NPLOC4: variants seen among roughly 807,000 people sequenced by gnomAD.
The protein encoded by NPLOC4 is NPL4 homolog, ubiquitin recognition factor.
A neutral mutation model predicts 80.6 loss-of-function variants in NPLOC4; 18 were observed. That is an observed-to-expected ratio of 0.22 (90% CI 0.15 to 0.33). NPLOC4 has a LOEUF of 0.33. Ranked by LOEUF, NPLOC4 falls within the 10% of genes least tolerant of loss-of-function variation. The pLI is 1.00. For synonymous variants in NPLOC4, 313 were observed against 301.5 expected (o/e 1.04, Z -0.39); for missense variants, 540 against 786.1 (o/e 0.69, Z 3.74).
In NPLOC4 at chr17:81,617,595, G is replaced by A. The variant is rs1232350927; in HGVS notation, c.210-4101C>T. Among the ~76,000 whole-genome samples, 4 of 152,112 alleles carry A rather than the reference G, an allele frequency of 2.6e-5. No homozygotes were observed. In the South Asian group the frequency reaches 8.3e-4, roughly 32 times the overall value. ...GAGGCTGAAGCAGGTGGATCACAAG[G>A]TCGGGAGATCGAGACCATCCTGGCT... is the stretch of plus-strand genomic sequence containing the variant. On this transcript the variant is annotated intron_variant, in intron 3 of 16. Coordinates refer to ENST00000331134, the MANE Select transcript of NPLOC4 (RefSeq NM_017921.4).
At chr17:81,591,460 A>AAC (rs1648658438) in intron 11 of NPLOC4, among the ~76,000 whole-genome samples, 1 of 150,694 alleles carries the variant, frequency 6.6e-6, no homozygotes, top group African/African-American at 2.4e-5. Context: ...AAAAAAAAAA[A>AAC]AAAAAAAAAA....
chr17:81,579,599 C>T (rs1313116222), intron 12 of NPLOC4, among the ~76,000 whole-genome samples: 1 of 152,102 alleles, frequency 6.6e-6, no homozygotes, highest in Non-Finnish European at 1.5e-5. Context: ...GCTCCACCCA[C>T]CTCTGCCTCC....
chr17:81,569,991 G>A (rs2034118503), intron 13 of NPLOC4, among the ~76,000 whole-genome samples: 1 of 152,208 alleles, frequency 6.6e-6, no homozygotes, highest in Non-Finnish European at 1.5e-5. Context: ...CAGATTTAGG[G>A]GAACTATTCT....
chr17:81,622,761 C>T (rs527312750), intron 2 of NPLOC4, among the ~76,000 whole-genome samples: 5 of 152,006 alleles, frequency 3.3e-5, no homozygotes, highest in Non-Finnish European at 5.9e-5. Context: ...ATGTTGGCCA[C>T]GGTGGTCTCA....
intron 12 of NPLOC4, among the ~76,000 whole-genome samples, chr17:81,585,033 G>C (rs1176028913): frequency 6.6e-6 from 1 of 151,980 alleles, no homozygotes; most frequent in Non-Finnish European, 1.5e-5. Flanking sequence ...AGCCAGGCGT[G>C]GCAGCGTGCG....
chr17:81,564,105 C>CACACACACACAG (rs1555677865), intron 16 of NPLOC4: 30 of 334,664 alleles, frequency 9.0e-5, no homozygotes, highest in South Asian at 3.0e-4. Flanking sequence ...CACACACACA[C>CACACACACACAG]ACACACACAC....
chr17:81,632,175 CAT>C (rs1394970434), intron 1 of NPLOC4, among the ~76,000 whole-genome samples: 2 of 151,726 alleles, frequency 1.3e-5, no homozygotes, highest in African/African-American at 2.4e-5. Context: ...GGGGTTTCAA[CAT>C]GTTAGTCAAT....
At chr17:81,609,877 T>C (rs985452004) in intron 5 of NPLOC4, among the ~76,000 whole-genome samples, 1 of 152,110 alleles carries the variant, frequency 6.6e-6, no homozygotes, top group African/African-American at 2.4e-5. Context: ...GCAAAGTAAA[T>C]CAACAATGAT....
chr17:81,597,411 G>C (rs2034940523), intron 9 of NPLOC4, 95 bp from the exon 10 acceptor site: 1 of 925,762 alleles, frequency 1.1e-6, no homozygotes, highest in Non-Finnish European at 1.8e-6. Context: ...AGCACTTTGA[G>C]AGGCCGAGGC....
Position 81,576,724 on chromosome 17 carries a change from C to T in NPLOC4, c.1282-4636G>A, listed in dbSNP as rs2034313025. 5.3e-5 allele frequency among the ~76,000 whole-genome samples: 8 copies of T among 152,288 alleles called. No homozygotes were observed. In the South Asian group the frequency reaches 1.7e-3, roughly 32 times the overall value. The stretch of plus-strand genomic sequence containing the variant: ...AATGAATGCCAAAAATGATGAATCA[C>T]TTTACAAATACTTAAGTGCACACAG... On this transcript the variant is annotated intron_variant, in intron 12 of 16. Coordinates refer to ENST00000331134, the MANE Select transcript of NPLOC4 (RefSeq NM_017921.4).
chr17:81,619,673 G>A (rs1422857924), intron 3 of NPLOC4, among the ~76,000 whole-genome samples: 1 of 152,018 alleles, frequency 6.6e-6, no homozygotes, highest in East Asian at 1.9e-4. Flanking sequence ...GAGGTCAAGA[G>A]ATTGAGATCA....
At chr17:81,616,320 CAAAAAAA>C (rs56118520) in intron 3 of NPLOC4, among the ~76,000 whole-genome samples, 13 of 38,484 alleles carry the variant, frequency 3.4e-4, no homozygotes, top group Non-Finnish European at 5.1e-5. Context: ...GACTCTGTCT[CAAAAAAA>C]AAAAAAAAAA....
intron 12 of NPLOC4, among the ~76,000 whole-genome samples, chr17:81,584,695 A>G (rs1012755754): frequency 6.6e-6 from 1 of 152,242 alleles, no homozygotes; most frequent in African/African-American, 2.4e-5. Context: ...AACAGATAGC[A>G]GTTGCTGGAT....
At chr17:81,603,973 A>T (rs1297106717) in intron 8 of NPLOC4, among the ~76,000 whole-genome samples, 1 of 152,228 alleles carries the variant, frequency 6.6e-6, no homozygotes, top group African/African-American at 2.4e-5. Flanking sequence ...ATGTGTAACT[A>T]GTTGGTGGCA....
intron 2 of NPLOC4, among the ~76,000 whole-genome samples, chr17:81,626,985 G>C (rs2035811119): frequency 6.6e-6 from 1 of 151,890 alleles, no homozygotes; most frequent in African/African-American, 2.4e-5. Flanking sequence ...AGCTACTCGG[G>C]AGGCTGAGGC....
chr17:81,611,642 G>A lies in NPLOC4; in HGVS notation c.387-1384C>T, dbSNP rs111582165. Among the ~76,000 whole-genome samples, 1,285 of 151,954 alleles carry A rather than the reference G, an allele frequency of 8.5e-3. 27 individuals are homozygous for A. Among genetic ancestry groups the A allele is most frequent in the African/African-American group, 0.03 (1,237 of 41,524 alleles). On this transcript the variant is annotated intron_variant, in intron 4 of 16. Transcript: ENST00000331134. The stretch of plus-strand genomic sequence containing the variant: ...TGGGATTACAGGTGTGAGCAACTGC[G>A]CCTGGCCAAGTCCATTTAAAGAAAA...
chr17:81,559,186 C>A lies in NPLOC4; in HGVS notation c.*73G>T, dbSNP rs900363351. The A allele has an allele frequency of 1.0e-5, 15 of 1,478,480 alleles. No individual in the cohort carries two copies. Among genetic ancestry groups the A allele is most frequent in the Admixed American group, 2.2e-5 (1 of 45,126 alleles). 91.6% of individuals were successfully genotyped at this position (1,478,480 alleles called of 1,614,324 possible). A position where few individuals can be genotyped will look rare whatever the true frequency, so the allele number is the denominator to read the frequency against. ...CCCACTATGGGGCAGTTACAGGGAA[C>A]ACACTCAGCAACGCTTCTGGCTTCA... On this transcript the variant is annotated 3_prime_UTR_variant, in exon 17 of 17. Transcript: ENST00000331134.
chr17:81,589,430 G>A (rs1020047265), intron 11 of NPLOC4, among the ~76,000 whole-genome samples: 6 of 151,982 alleles, frequency 3.9e-5, no homozygotes, highest in Non-Finnish European at 8.8e-5. Context: ...TCAGGAGGCT[G>A]AGGCAGGAGA....
Position 81,559,301 on chromosome 17 carries a change from T to C in NPLOC4, c.1785A>G (p.Pro595=), listed in dbSNP as rs754243833. 33 of 1,606,562 alleles carry C rather than the reference T, an allele frequency of 2.1e-5. No homozygotes were observed. Among genetic ancestry groups the C allele is most frequent in the Non-Finnish European group, 2.7e-5 (32 of 1,177,006 alleles). ...ACQHCTFMNQ[P]GTGHCEMCSL... ...TGCACATCTCGCAGTGGCCTGTGCC[T>C]GGCTGGTTCATGAACGTGCAGTGCT... Residue 595 remains proline, a synonymous_variant, in exon 17 of 17, where the codon CCA becomes CCG. Transcript: ENST00000331134.
Sources: allele counts gnomAD v4.1 joint callset (sites outside exome capture counted in the v4.1 genomes callset), GRCh38; gene constraint gnomAD v4.1.1; transcripts MANE v1.5; gene names NCBI Gene and HGNC (gene_info 2026-07-23, HGNC 2026-07-21).